Variants in PPP1R9A observed in about 807,000 individuals in gnomAD.
PPP1R9A encodes the protein neurabin-1.
PPP1R9A carries 59 observed loss-of-function variants against 141.9 expected under a neutral mutation model. The observed-to-expected ratio is 0.42, with a 90% CI of 0.34 to 0.52. The LOEUF (loss-of-function observed/expected upper bound fraction) is 0.52, where lower values mean the gene tolerates loss of function less well. PPP1R9A is among the 20% of genes least tolerant of loss of function. The probability of loss-of-function intolerance (pLI) is 0.10; values close to 1 mark genes in which losing one functional copy is unlikely to be tolerated. For synonymous variants in PPP1R9A, 500 were observed against 569.7 expected (o/e 0.88, Z 1.74); for missense variants, 1,444 against 1,611.9 (o/e 0.90, Z 1.78).
intron 8 of PPP1R9A, 45 bp downstream of exon 8, chr7:95,226,161 C>A: frequency 6.4e-7 from 1 of 1,553,410 alleles, no homozygotes; most frequent in East Asian, 2.3e-5. Context: ...CTGTCCATTT[C>A]ATTAAGTATA....
intron 2 of PPP1R9A, among the ~76,000 whole-genome samples, chr7:95,072,754 T>A (rs1487907788): frequency 9.4e-6 from 1 of 106,124 alleles, no homozygotes; most frequent in African/African-American, 3.9e-5. Context: ...TATATAATAT[T>A]ATATTAAATA....
chr7:95,025,730 T>G (rs1272758014), intron 2 of PPP1R9A, among the ~76,000 whole-genome samples: 1 of 152,190 alleles, frequency 6.6e-6, no homozygotes, highest in Non-Finnish European at 1.5e-5. Flanking sequence ...AGATTTGGTC[T>G]TTTCACATAG....
Position 95,269,348 on chromosome 7 carries a change from A to G in PPP1R9A, c.2965A>G (p.Ile989Val). ...CAATGTGCCCTTCTCGTCTGACCAC[A>G]TAGCTGAATTTCAAGAAGAACCACT... ...DSNVPFSSDHIAEFQEEPLDP... is the reference protein window; with the variant it reads ...DSNVPFSSDHVAEFQEEPLDP... Residue 989 changes from isoleucine (I) to valine (V), a missense_variant, in exon 14 of 20, where the codon ATA becomes GTA. Ile to Val is a conservative substitution (Grantham distance 29). Transcript: ENST00000433360. The G allele has an allele frequency of 2.5e-6, 4 of 1,598,512 alleles. No individual in the cohort carries two copies. The highest frequency in any genetic ancestry group is 3.4e-6 in the Non-Finnish European group (4 of 1,179,428).
rs1223935624 is a variant in PPP1R9A at position 95,291,237 on chromosome 7, G to A, written c.*934G>A. On this transcript the variant is annotated 3_prime_UTR_variant, in exon 20 of 20. Coordinates refer to ENST00000433360, the MANE Select transcript of PPP1R9A (RefSeq NM_001166160.2). ...CCACCATTTTCAGGTTTCCTCTCCTGGGGAACATTCTGGCTGGTCTTCAGC... is the reference window on the plus strand; with the variant it reads ...CCACCATTTTCAGGTTTCCTCTCCTAGGGAACATTCTGGCTGGTCTTCAGC... 6.6e-6 allele frequency: 1 copy of A among 152,138 alleles called. No individual in the cohort carries two copies. The highest frequency in any genetic ancestry group is 2.4e-5 in the African/African-American group (1 of 41,416). The allele number at this position is 152,138 out of a possible 1,614,324, so 9.4% of individuals were successfully genotyped here.
chr7:95,150,191 C>A (rs946910530), intron 4 of PPP1R9A, among the ~76,000 whole-genome samples: 15 of 152,000 alleles, frequency 9.9e-5, no homozygotes, highest in African/African-American at 3.4e-4. Context: ...GTACCTTACA[C>A]CCTTCACAAG....
chr7:95,015,217 A>AATATATGT (rs1554465289), intron 2 of PPP1R9A, among the ~76,000 whole-genome samples: 1 of 149,570 alleles, frequency 6.7e-6, no homozygotes, highest in African/African-American at 2.5e-5. Flanking sequence ...TACACACACG[A>AATATATGT]ATATATATAT....
intron 4 of PPP1R9A, among the ~76,000 whole-genome samples, chr7:95,161,146 A>G (rs1830414049): frequency 6.6e-6 from 1 of 152,166 alleles, no homozygotes; most frequent in South Asian, 2.1e-4. Flanking sequence ...AATAGTGGAT[A>G]AGCATTCCCT....
At chr7:95,127,862 T>C (rs1823854145) in intron 4 of PPP1R9A, among the ~76,000 whole-genome samples, 1 of 152,240 alleles carries the variant, frequency 6.6e-6, no homozygotes, top group Non-Finnish European at 1.5e-5. Flanking sequence ...TTCTTTTTTA[T>C]AGGTGTATAG....
At chr7:95,272,974 G>A (rs1257573148) in intron 14 of PPP1R9A, among the ~76,000 whole-genome samples, 1 of 152,164 alleles carries the variant, frequency 6.6e-6, no homozygotes, top group African/African-American at 2.4e-5. Flanking sequence ...GAGCTAATTG[G>A]ATATGCTGAA....
At position 94,910,990 on chromosome 7, in the gene PPP1R9A, C is replaced by A. The variant is rs1791388867; in HGVS notation, c.877C>A (p.Pro293Thr). 6.2e-7 allele frequency: 1 copy of A among 1,614,088 alleles called. No individual in the cohort carries two copies. The highest frequency in any genetic ancestry group is 2.2e-5 in the East Asian group (1 of 44,878). ...ASKSTSLASI[P>T]GEEIQQSKEP... ...TAAAAGTACCTCTCTAGCTTCGATA[C>A]CTGGTGAAGAGATCCAGCAGAGCAA... Residue 293 changes from proline (P) to threonine (T), a missense_variant, in exon 2 of 20, where the codon CCT becomes ACT. Pro to Thr is a conservative substitution (Grantham distance 38). Transcript: ENST00000433360. This position sits in a 1 kb window ranked among gnomAD's most constrained non-coding sequence, Gnocchi z 4.5.
Position 94,910,992 on chromosome 7 carries a change from T to C in PPP1R9A, c.879T>C (p.Pro293=), listed in dbSNP as rs759389818. 8 of 1,614,110 alleles carry C rather than the reference T, an allele frequency of 5.0e-6. No individual in the cohort carries two copies. Among genetic ancestry groups the C allele is most frequent in the Non-Finnish European group, 6.8e-6 (8 of 1,180,010 alleles). ...ASKSTSLASI[P]GEEIQQSKEP... ...AAAGTACCTCTCTAGCTTCGATACC[T>C]GGTGAAGAGATCCAGCAGAGCAAGG... Residue 293 remains proline, a synonymous_variant, in exon 2 of 20, where the codon CCT becomes CCC. Coordinates refer to ENST00000433360, the MANE Select transcript of PPP1R9A (RefSeq NM_001166160.2). The surrounding 1 kb of genome is among the most constrained non-coding windows in gnomAD (Gnocchi z 4.5).
chr7:95,165,067 A>G (rs576784478), intron 5 of PPP1R9A, among the ~76,000 whole-genome samples: 61 of 152,236 alleles, frequency 4.0e-4, no homozygotes, highest in African/African-American at 1.3e-3. Context: ...CAATTCTTCA[A>G]TGAATGAGCT....
intron 2 of PPP1R9A, among the ~76,000 whole-genome samples, chr7:95,102,994 G>A (rs936193263): frequency 3.3e-5 from 5 of 152,090 alleles, no homozygotes; most frequent in African/African-American, 7.2e-5. Context: ...CTTCCTTAAC[G>A]TGGATTGGCC....
intron 2 of PPP1R9A, among the ~76,000 whole-genome samples, chr7:94,968,365 G>T (rs1273742460): frequency 6.6e-6 from 1 of 151,956 alleles, no homozygotes; most frequent in Non-Finnish European, 1.5e-5. Context: ...GTAGAGACGG[G>T]GTTTCACCGT....
intron 16 of PPP1R9A, among the ~76,000 whole-genome samples, chr7:95,282,444 G>A (rs1480207319): frequency 6.6e-6 from 1 of 152,150 alleles, no homozygotes; most frequent in Non-Finnish European, 1.5e-5. Flanking sequence ...AGTGGAAGAG[G>A]GGGATGAGAC....
rs9641158 is a variant in PPP1R9A at position 95,069,933 on chromosome 7, C to T, written c.1396-41326C>T. On this transcript the variant is annotated intron_variant, in intron 2 of 19. Transcript: ENST00000433360. ...GTAGGAAATACTACTATATGCTGTT[C>T]ATGTTGTTAGCACACAGTAAACTGA... Among the ~76,000 whole-genome samples the T allele has an allele frequency of 1.1e-3, 167 of 152,234 alleles. No individual in the cohort carries two copies. The East Asian group carries it at 0.021, about 20-fold the overall frequency.
intron 2 of PPP1R9A, among the ~76,000 whole-genome samples, chr7:95,070,876 A>G (rs1457536558): frequency 1.3e-5 from 2 of 151,962 alleles, no homozygotes; most frequent in African/African-American, 4.8e-5. Flanking sequence ...AGAGAATATT[A>G]GTGAACAATG....
At chr7:95,026,253 G>A (rs1806816120) in intron 2 of PPP1R9A, among the ~76,000 whole-genome samples, 1 of 152,116 alleles carries the variant, frequency 6.6e-6, no homozygotes, top group Admixed American at 6.5e-5. Flanking sequence ...CTTCAGATGG[G>A]GTTTCTGTGT....
chr7:94,927,652 A>G (rs1195437587), intron 2 of PPP1R9A, among the ~76,000 whole-genome samples: 1 of 152,204 alleles, frequency 6.6e-6, no homozygotes, highest in Non-Finnish European at 1.5e-5. Flanking sequence ...TCTGCTGTGT[A>G]GATATTGAGA....
Sources: allele counts gnomAD v4.1 joint callset (sites outside exome capture counted in the v4.1 genomes callset), GRCh38; gene constraint gnomAD v4.1.1; non-coding constraint Gnocchi (gnomAD v3.1); transcripts MANE v1.5; gene names NCBI Gene and HGNC (gene_info 2026-07-23, HGNC 2026-07-21).